GLRA1: variants seen among roughly 807,000 people sequenced by gnomAD.
GLRA1 encodes glycine receptor subunit alpha-1.
In GLRA1, 37 loss-of-function variants were observed where a neutral mutation model predicts 48.3. That is an observed-to-expected ratio of 0.77 (90% CI 0.59 to 1.01). The LOEUF (loss-of-function observed/expected upper bound fraction) is 1.01, where lower values mean the gene tolerates loss of function less well. GLRA1 is among the 50% of genes least tolerant of loss of function. The pLI is 0.00. For synonymous variants in GLRA1, 196 were observed against 210.7 expected (o/e 0.93, Z 0.60); for missense variants, 427 against 571.0 (o/e 0.75, Z 2.57).
At chr5:151,827,241 G>A (rs762437235) in intron 8 of GLRA1, among the ~76,000 whole-genome samples, 5 of 151,508 alleles carry the variant, frequency 3.3e-5, no homozygotes, top group Non-Finnish European at 7.4e-5. Flanking sequence ...TAAAACTAGG[G>A]GTCATTTAAG....
chr5:151,859,403 C>T (rs1242769546), intron 4 of GLRA1, among the ~76,000 whole-genome samples: 1 of 152,222 alleles, frequency 6.6e-6, no homozygotes, highest in African/African-American at 2.4e-5. Flanking sequence ...ATCCACCTGG[C>T]AGGCTCATTT....
At chr5:151,918,316 C>T (rs1581667932) in intron 1 of GLRA1, among the ~76,000 whole-genome samples, 1 of 152,318 alleles carries the variant, frequency 6.6e-6, no homozygotes, top group African/African-American at 2.4e-5. Flanking sequence ...TTCAGGGAGA[C>T]AGCTGGAGTT....
chr5:151,829,730 T>C (rs1289325514), intron 7 of GLRA1, among the ~76,000 whole-genome samples: 2 of 152,196 alleles, frequency 1.3e-5, no homozygotes, highest in Non-Finnish European at 2.9e-5. Context: ...TTTCATTACC[T>C]CAAAAAGAAA....
chr5:151,883,729 A>C (rs1187257046), intron 3 of GLRA1, among the ~76,000 whole-genome samples: 1 of 152,264 alleles, frequency 6.6e-6, no homozygotes, highest in African/African-American at 2.4e-5. Context: ...TACTCACAGC[A>C]GGCCACAAGG....
intron 3 of GLRA1, among the ~76,000 whole-genome samples, chr5:151,878,509 A>G (rs1753682121): frequency 6.6e-6 from 1 of 152,152 alleles, no homozygotes; most frequent in Admixed American, 6.5e-5. Context: ...CAATGGGGAA[A>G]ATGTCTCCGG....
chr5:151,887,146 C>T (rs995742767), intron 2 of GLRA1, among the ~76,000 whole-genome samples: 1 of 152,216 alleles, frequency 6.6e-6, no homozygotes, highest in African/African-American at 2.4e-5. Context: ...ATGTCTACAA[C>T]ATTTGGAGGC....
intron 1 of GLRA1, 99 bp downstream of exon 1, chr5:151,924,395 C>A (rs1323866344): frequency 2.4e-6 from 2 of 821,108 alleles, no homozygotes; most frequent in African/African-American, 1.7e-5. Context: ...AATACAGCAC[C>A]CCTCTTCCCC....
At chr5:151,855,826 T>C (rs1753026773) in intron 5 of GLRA1, among the ~76,000 whole-genome samples, 1 of 152,238 alleles carries the variant, frequency 6.6e-6, no homozygotes, top group African/African-American at 2.4e-5. Flanking sequence ...ATCCCAGTCC[T>C]CCATAAAGTC....
chr5:151,839,745 A>T (rs982918737), intron 7 of GLRA1, among the ~76,000 whole-genome samples: 1 of 152,170 alleles, frequency 6.6e-6, no homozygotes, highest in Admixed American at 6.5e-5. Flanking sequence ...AAGAAGAGAT[A>T]CCAGAACTCT....
At chr5:151,828,712 G>A (rs891345314) in intron 8 of GLRA1, among the ~76,000 whole-genome samples, 1 of 152,172 alleles carries the variant, frequency 6.6e-6, no homozygotes, top group East Asian at 1.9e-4. Flanking sequence ...TTACTGTTAG[G>A]ATTCGAAGAG....
intron 1 of GLRA1, among the ~76,000 whole-genome samples, chr5:151,897,152 A>G (rs1408020890): frequency 6.6e-6 from 1 of 152,190 alleles, no homozygotes; most frequent in Non-Finnish European, 1.5e-5. Context: ...ATTAATGCCA[A>G]AGTAGCTATG....
At chr5:151,858,178 C>T (rs746097215) in intron 4 of GLRA1, among the ~76,000 whole-genome samples, 4 of 152,116 alleles carry the variant, frequency 2.6e-5, no homozygotes, top group Admixed American at 6.5e-5. Context: ...CCAGCTCACA[C>T]CCACAGCTCT....
In GLRA1 at chr5:151,874,716, T is replaced by C. The variant is rs1376437071; in HGVS notation, c.252+12005A>G. 3.9e-5 allele frequency among the ~76,000 whole-genome samples: 6 copies of C among 152,104 alleles called. No homozygotes were observed. In the South Asian group the frequency reaches 1.2e-3, roughly 32 times the overall value. Reference sequence around the variant, plus strand: ...ACTGGAAGAGAGGGATATTTTTAGGTAGGGGGGTGGAGAAGGACTCCCTGA... The same window carrying C: ...ACTGGAAGAGAGGGATATTTTTAGGCAGGGGGGTGGAGAAGGACTCCCTGA... On this transcript the variant is annotated intron_variant, in intron 3 of 8. Coordinates refer to ENST00000274576, the MANE Select transcript of GLRA1 (RefSeq NM_000171.4).
At chr5:151,838,619 T>A (rs1763633802) in intron 7 of GLRA1, among the ~76,000 whole-genome samples, 3 of 152,128 alleles carry the variant, frequency 2.0e-5, no homozygotes, top group Non-Finnish European at 1.5e-5. Context: ...GAATTTTAGA[T>A]TATATGGTCT....
At chr5:151,915,257 G>A (rs1754710170) in intron 1 of GLRA1, among the ~76,000 whole-genome samples, 1 of 152,112 alleles carries the variant, frequency 6.6e-6, no homozygotes, top group Admixed American at 6.5e-5. Context: ...TTGCAGTTGG[G>A]GCTGAGATGG....
Position 151,851,537 on chromosome 5 carries a change from C to T in GLRA1, c.765G>A (p.Met255Ile). The change falls in exon 7 of 9, where the codon ATG (methionine) becomes ATA (isoleucine). Residue 255 changes from methionine to isoleucine, a missense_variant. Coordinates refer to ENST00000274576, the MANE Select transcript of GLRA1 (RefSeq NM_000171.4). ...ERQMGYYLIQMYIPSLLIVIL... is the reference protein window; with the variant it reads ...ERQMGYYLIQIYIPSLLIVIL... ...TGACAATGAGCAGGCTGGGAATATA[C>T]ATCTGAATCAGGTAGTAACCCATCT... The T allele has an allele frequency of 6.2e-7, 1 of 1,614,034 alleles. No homozygotes were observed. Among genetic ancestry groups the T allele is most frequent in the Non-Finnish European group, 8.5e-7 (1 of 1,179,910 alleles).
At chr5:151,835,070 C>T (rs7706957) in intron 7 of GLRA1, among the ~76,000 whole-genome samples, 55,660 of 143,002 alleles carry the variant, frequency 0.39, 11,107 homozygotes, top group South Asian at 0.47. Context: ...GAAATAGACA[C>T]GATAAAAATG....
At chr5:151,887,199 C>T (rs1245409257) in intron 2 of GLRA1, among the ~76,000 whole-genome samples, 1 of 152,176 alleles carries the variant, frequency 6.6e-6, no homozygotes, top group African/African-American at 2.4e-5. Context: ...TTGCCTTCAA[C>T]TTATGAACCA....
At chr5:151,862,957 T>C (rs1753242938) in intron 3 of GLRA1, among the ~76,000 whole-genome samples, 1 of 152,214 alleles carries the variant, frequency 6.6e-6, no homozygotes, top group Non-Finnish European at 1.5e-5. Context: ...GTGTTCTGAC[T>C]TCTAGCTGAG....
Sources: gnomAD v4.1 joint callset for allele counts (sites outside exome capture counted in the v4.1 genomes callset) on GRCh38, gnomAD v4.1.1 for gene constraint, MANE v1.5 for transcripts, NCBI Gene and HGNC (gene_info 2026-07-23, HGNC 2026-07-21) for gene names.